FBXO34: variants seen among roughly 807,000 people sequenced by gnomAD.
FBXO34 encodes the protein F-box protein 34, also known as F-box only protein 34.
Under a neutral mutation model 24.5 loss-of-function variants are expected in FBXO34, and 12 were observed. That is an observed-to-expected ratio of 0.49 (90% confidence interval 0.31 to 0.79). The LOEUF (loss-of-function observed/expected upper bound fraction) is 0.79, where lower values mean the gene tolerates loss of function less well. Among genes scored for constraint, FBXO34 ranks in the 30% least tolerant of loss-of-function variants. The probability of loss-of-function intolerance (pLI) is 0.04; values close to 1 mark genes in which losing one functional copy is unlikely to be tolerated. For missense variants in FBXO34, 823 were observed against 857.7 expected, an observed-to-expected ratio of 0.96 and a Z score of 0.51; for synonymous variants, 320 against 311.9, an observed-to-expected ratio of 1.03 and a Z score of -0.27.
At chr14:55,418,069 A>G in the FBXO34 span, among the ~76,000 whole-genome samples, 18 of 152,338 alleles carry the variant, frequency 1.2e-4, no homozygotes, top group East Asian at 1.9e-3. Context: ...AAGCCATTTT[A>G]TTACCCTAGA....
intron 1 of FBXO34, among the ~76,000 whole-genome samples, chr14:55,347,319 T>C (rs546153587): frequency 1.3e-5 from 2 of 152,228 alleles, no homozygotes; most frequent in East Asian, 3.9e-4. Context: ...ATTTAAAGTT[T>C]TTGCTTTATG....
chr14:55,295,666 G>A (rs1168461615), intron 1 of FBXO34, among the ~76,000 whole-genome samples: 2 of 152,098 alleles, frequency 1.3e-5, no homozygotes, highest in East Asian at 3.9e-4. Context: ...AAAGTGCTGG[G>A]ATTATAGGCA....
chr14:55,335,789 G>A (rs532847333), intron 1 of FBXO34, among the ~76,000 whole-genome samples: 3 of 152,230 alleles, frequency 2.0e-5, no homozygotes, highest in Non-Finnish European at 4.4e-5. Flanking sequence ...CTAGCTCATA[G>A]AATTGTCCTG....
chr14:55,344,814 G>A (rs1304300966), intron 1 of FBXO34, among the ~76,000 whole-genome samples: 3 of 152,094 alleles, frequency 2.0e-5, no homozygotes, highest in Non-Finnish European at 4.4e-5. Flanking sequence ...AGAACATGCG[G>A]TGTTTGGTTT....
intron 1 of FBXO34, among the ~76,000 whole-genome samples, chr14:55,284,718 C>G (rs2139658775): frequency 6.7e-6 from 1 of 148,220 alleles, no homozygotes; most frequent in South Asian, 2.2e-4. Context: ...CAGGCTCAAG[C>G]AATCTTTCCA....
the FBXO34 span, among the ~76,000 whole-genome samples, chr14:55,376,840 A>G: frequency 6.6e-6 from 1 of 152,192 alleles, no homozygotes; most frequent in African/African-American, 2.4e-5. Context: ...AAGGGCAAAC[A>G]CCCAGCACAG....
intron 1 of FBXO34, among the ~76,000 whole-genome samples, chr14:55,288,352 T>C (rs1881831701): frequency 6.6e-6 from 1 of 152,136 alleles, no homozygotes; most frequent in African/African-American, 2.4e-5. Context: ...AAAAATGGAA[T>C]ATAAAATTAC....
chr14:55,440,387 C>T, the FBXO34 span: 3 of 1,612,920 alleles, frequency 1.9e-6, no homozygotes, highest in South Asian at 2.2e-5. Context: ...ACAGTGGCGG[C>T]AGCCTCACCT....
intron 1 of FBXO34, among the ~76,000 whole-genome samples, chr14:55,294,462 AG>A (rs1882053325): frequency 6.6e-6 from 1 of 152,112 alleles, no homozygotes; most frequent in African/African-American, 2.4e-5. Context: ...CACATTGCCC[AG>A]GCCGGTCTTG....
downstream of FBXO34, chr14:55,369,550 A>ATGTT (rs1884762942): frequency 3.8e-6 from 5 of 1,322,602 alleles, no homozygotes; most frequent in South Asian, 1.0e-4. Context: ...TAAACAGAAA[A>ATGTT]TGTTTACTAG....
rs386381425 is a variant in FBXO34, at chr14:55,327,908, G to GTTTTTTTTT, written c.-10-22446_-10-22438dup. ...CATATGATTTTCTTTGTTGTTGTTG[G>GTTTTTTTTT]TTTTTTTTTTTTTTTTTTTTTTTTT... On this transcript the variant is annotated intron_variant, in intron 1 of 1. Transcript: ENST00000313833. Among the ~76,000 whole-genome samples the GTTTTTTTTT allele has an allele frequency of 1.2e-3, 59 of 48,726 alleles. 15 individuals are homozygous for GTTTTTTTTT. Among genetic ancestry groups the GTTTTTTTTT allele is most frequent in the South Asian group, 2.0e-3 (2 of 976 alleles). The allele number at this position is 48,726 out of a possible 152,430, so 32.0% of individuals were successfully genotyped here.
At chr14:55,405,422 T>C in the FBXO34 span, among the ~76,000 whole-genome samples, 1 of 152,222 alleles carries the variant, frequency 6.6e-6, no homozygotes, top group Non-Finnish European at 1.5e-5. Context: ...AACTTGTCAG[T>C]GAAGGTAATG....
At chr14:55,275,798 T>C (rs1594718494) in intron 1 of FBXO34, among the ~76,000 whole-genome samples, 1 of 128,296 alleles carries the variant, frequency 7.8e-6, no homozygotes, top group Non-Finnish European at 1.6e-5. Flanking sequence ...CACTTAAGCC[T>C]GGGTGACAGA....
At chr14:55,417,756 A>G in the FBXO34 span, among the ~76,000 whole-genome samples, 13 of 152,162 alleles carry the variant, frequency 8.5e-5, no homozygotes, top group Non-Finnish European at 1.5e-4. Context: ...CTTTTAAGCA[A>G]AACTTACCAT....
intron 1 of FBXO34, among the ~76,000 whole-genome samples, chr14:55,327,506 A>G (rs562443272): frequency 6.6e-5 from 10 of 152,286 alleles, no homozygotes; most frequent in African/African-American, 2.4e-4. Flanking sequence ...ATATATTTTG[A>G]AGATAGAGCC....
At chr14:55,284,687 G>GCTCA (rs1881697979) in intron 1 of FBXO34, among the ~76,000 whole-genome samples, 2 of 145,308 alleles carry the variant, frequency 1.4e-5, no homozygotes, top group Admixed American at 7.0e-5. Flanking sequence ...TGCATTCTTA[G>GCTCA]CTCACTGCAC....
chr14:55,292,784 A>G (rs1376970828), intron 1 of FBXO34, among the ~76,000 whole-genome samples: 1 of 152,192 alleles, frequency 6.6e-6, no homozygotes, highest in East Asian at 1.9e-4. Context: ...ACTGTGGCAT[A>G]GTAGATTAGA....
chr14:55,307,230 A>G (rs894885400), intron 1 of FBXO34, among the ~76,000 whole-genome samples: 1 of 152,216 alleles, frequency 6.6e-6, no homozygotes, highest in Non-Finnish European at 1.5e-5. Flanking sequence ...CCCTCTGTTT[A>G]GCAGATCTGC....
chr14:55,380,869 A>T, the FBXO34 span, among the ~76,000 whole-genome samples: 6 of 92,906 alleles, frequency 6.5e-5, no homozygotes, highest in Non-Finnish European at 4.0e-5. Flanking sequence ...ATATATATAT[A>T]TATATATTTT....
Sources: allele counts gnomAD v4.1 joint callset (sites outside exome capture counted in the v4.1 genomes callset), GRCh38; gene constraint gnomAD v4.1.1; transcripts MANE v1.5; gene names NCBI Gene and HGNC (gene_info 2026-07-23, HGNC 2026-07-21).